The following ACYP2 variants were observed in gnomAD, a reference collection of about 807,000 sequenced individuals.
ACYP2 encodes acylphosphatase 2.
ACYP2 carries 12 observed loss-of-function variants against 11.2 expected under a neutral mutation model. The ratio of observed to expected loss-of-function variants is 1.08; its 90% CI spans 0.69 to 1.74. ACYP2 has a LOEUF of 1.74. ACYP2 is among the 40% of genes most tolerant of loss of function. The pLI, the probability that ACYP2 is intolerant of heterozygous loss-of-function variation, is 0.00. For synonymous variants in ACYP2, 43 were observed against 32.2 expected (o/e 1.33, Z -1.13); for missense variants, 134 against 101.9 (o/e 1.31, Z -1.35).
chr2:54,192,612 A>G (rs904495356), intron 6 of ACYP2, among the ~76,000 whole-genome samples: 7 of 152,204 alleles, frequency 4.6e-5, no homozygotes, highest in Admixed American at 1.3e-4. Context: ...CTTACCTGTT[A>G]TATTTAAAAA....
At chr2:54,239,506 G>T (rs1315558279) in intron 6 of ACYP2, among the ~76,000 whole-genome samples, 1 of 152,198 alleles carries the variant, frequency 6.6e-6, no homozygotes, top group Non-Finnish European at 1.5e-5. Context: ...GAAAGGTTAA[G>T]GAGAAAAGCA....
At chr2:54,004,537 A>G (rs1264734199) in intron 2 of ACYP2, among the ~76,000 whole-genome samples, 2 of 150,326 alleles carry the variant, frequency 1.3e-5, no homozygotes, top group Non-Finnish European at 3.0e-5. Context: ...CAGCCTTCCA[A>G]GTAGCTGAGA....
At chr2:53,972,829 A>G (rs1671237673) in intron 1 of ACYP2, among the ~76,000 whole-genome samples, 1 of 152,216 alleles carries the variant, frequency 6.6e-6, no homozygotes, top group Non-Finnish European at 1.5e-5. Context: ...GAAGTCCTTC[A>G]CTGAGATAAA....
At position 54,228,142 on chromosome 2, in the gene ACYP2, T is replaced by C. The variant is rs541256297; in HGVS notation, c.405-76546T>C. 4.6e-5 allele frequency among the ~76,000 whole-genome samples: 7 copies of C among 152,326 alleles called. No homozygotes were observed. In the East Asian group the frequency reaches 1.3e-3, roughly 29 times the overall value. ...AATGAATTTCAATCCCTTATTACTT[T>C]CTTTGGGACACATTTACTACACACT... On this transcript the variant is annotated intron_variant, in intron 6 of 6. Transcript: ENST00000607452.
intron 6 of ACYP2, among the ~76,000 whole-genome samples, chr2:54,252,590 AT>A (rs1403427125): frequency 6.6e-6 from 1 of 152,040 alleles, no homozygotes; most frequent in Non-Finnish European, 1.5e-5. Flanking sequence ...ACATGCTTCA[AT>A]TTTACCATCA....
intron 4 of ACYP2, among the ~76,000 whole-genome samples, chr2:54,083,250 G>A (rs751388690): frequency 7.2e-5 from 11 of 152,170 alleles, no homozygotes; most frequent in Non-Finnish European, 1.3e-4. Flanking sequence ...GGGTCAGTTT[G>A]CGAATGATGT....
At chr2:53,998,172 G>A (rs1254294700) in intron 2 of ACYP2, among the ~76,000 whole-genome samples, 2 of 152,180 alleles carry the variant, frequency 1.3e-5, no homozygotes, top group African/African-American at 4.8e-5. Context: ...ACAAGATTTG[G>A]CAAGTAGTAG....
intron 4 of ACYP2, among the ~76,000 whole-genome samples, chr2:54,070,900 T>C (rs1208011641): frequency 8.5e-6 from 1 of 117,034 alleles, no homozygotes; most frequent in Non-Finnish European, 1.9e-5. Flanking sequence ...ACCCAGCTAT[T>C]TGTTTGTTTG....
chr2:54,052,883 TG>T (rs1465936679), intron 3 of ACYP2, among the ~76,000 whole-genome samples: 1 of 152,236 alleles, frequency 6.6e-6, no homozygotes, highest in Non-Finnish European at 1.5e-5. Flanking sequence ...TCTGATTGTA[TG>T]GAGTGCTTTC....
At chr2:53,994,693 A>C (rs1672483294) in intron 2 of ACYP2, among the ~76,000 whole-genome samples, 1 of 152,180 alleles carries the variant, frequency 6.6e-6, no homozygotes, top group Non-Finnish European at 1.5e-5. Context: ...CAGACCTTCA[A>C]CCAAATAGTT....
intron 6 of ACYP2, among the ~76,000 whole-genome samples, chr2:54,186,038 G>A (rs1244880140): frequency 6.6e-6 from 1 of 151,922 alleles, no homozygotes; most frequent in Non-Finnish European, 1.5e-5. Flanking sequence ...GCTCACAAGA[G>A]AAGAAAAAAC....
chr2:54,040,932 G>C (rs1292716179), intron 2 of ACYP2, among the ~76,000 whole-genome samples: 1 of 152,148 alleles, frequency 6.6e-6, no homozygotes, highest in African/African-American at 2.4e-5. Flanking sequence ...GAGAAATAGT[G>C]TTCATAGATA....
chr2:54,168,445 T>C (rs1223086540), intron 6 of ACYP2, among the ~76,000 whole-genome samples: 1 of 151,102 alleles, frequency 6.6e-6, no homozygotes, highest in Non-Finnish European at 1.5e-5. Context: ...CAAAATAAAA[T>C]AGAATAGAAT....
At chr2:54,293,089 C>T (rs1049391482) in intron 6 of ACYP2, among the ~76,000 whole-genome samples, 3 of 152,146 alleles carry the variant, frequency 2.0e-5, no homozygotes, top group South Asian at 2.1e-4. Context: ...TAATCGTCAC[C>T]GCAACTCTGT....
intron 6 of ACYP2, among the ~76,000 whole-genome samples, chr2:54,249,272 G>A (rs1040932317): frequency 1.3e-5 from 2 of 152,040 alleles, no homozygotes; most frequent in Admixed American, 6.6e-5. Context: ...TATGGAAAGG[G>A]AACAATTCTG....
At chr2:54,058,711 T>A (rs901030953) in intron 4 of ACYP2, among the ~76,000 whole-genome samples, 4 of 77,062 alleles carry the variant, frequency 5.2e-5, no homozygotes, top group Non-Finnish European at 8.0e-5. Flanking sequence ...GGCTGATAAT[T>A]TTTTTTTTTT....
At chr2:54,153,554 G>C (rs1278224759) in intron 6 of ACYP2, among the ~76,000 whole-genome samples, 1 of 150,208 alleles carries the variant, frequency 6.7e-6, no homozygotes, top group African/African-American at 2.4e-5. Context: ...TGTTAATAGG[G>C]ATTGCATTGA....
intron 4 of ACYP2, among the ~76,000 whole-genome samples, chr2:54,095,777 C>G (rs1361745714): frequency 2.4e-5 from 3 of 126,020 alleles, no homozygotes; most frequent in East Asian, 5.2e-4. Flanking sequence ...GGCGGCTGGC[C>G]GGGCAGGGGG....
chr2:53,998,223 A>G (rs1368782083), intron 2 of ACYP2, among the ~76,000 whole-genome samples: 1 of 152,204 alleles, frequency 6.6e-6, no homozygotes, highest in East Asian at 1.9e-4. Flanking sequence ...TGAAGAATGA[A>G]GAAAGCAGAA....
Sources: allele counts gnomAD v4.1 joint callset (sites outside exome capture counted in the v4.1 genomes callset), GRCh38; gene constraint gnomAD v4.1.1; transcripts MANE v1.5; gene names NCBI Gene and HGNC (gene_info 2026-07-23, HGNC 2026-07-21).